The following CCSER1 variants were observed in gnomAD, a reference collection of about 807,000 sequenced individuals.
The protein encoded by CCSER1 is serine-rich coiled-coil domain-containing protein 1.
CCSER1 carries 41 observed loss-of-function variants against 82.0 expected under a neutral mutation model. The observed-to-expected ratio is 0.50, with a 90% CI of 0.39 to 0.65. The LOEUF is 0.65. CCSER1 is among the 30% of genes least tolerant of loss of function. The pLI is 0.00. For synonymous variants in CCSER1, 414 were observed against 383.9 expected (o/e 1.08, Z -0.92); for missense variants, 1,119 against 1,064.2 (o/e 1.05, Z -0.72).
chr4:90,974,816 T>C (rs910953285), intron 9 of CCSER1, among the ~76,000 whole-genome samples: 1 of 151,574 alleles, frequency 6.6e-6, no homozygotes, highest in South Asian at 2.1e-4. Context: ...GATGCTTTCT[T>C]AATCTATTAA....
At chr4:91,187,777 T>C (rs1034506181) in intron 10 of CCSER1, among the ~76,000 whole-genome samples, 6 of 152,066 alleles carry the variant, frequency 3.9e-5, no homozygotes, top group African/African-American at 1.4e-4. Flanking sequence ...GGTCTCAAAC[T>C]CCTGACCTCA....
Position 90,723,984 on chromosome 4 carries a change from CT to C in CCSER1, c.2006del (p.Phe669SerfsTer4). 1 of 1,559,600 alleles carries C rather than the reference CT, an allele frequency of 6.4e-7. No homozygotes were observed. The highest frequency in any genetic ancestry group is 2.3e-5 in the East Asian group (1 of 42,722). ...PVSPLTEEPV[P>X]FKDIMKDECS... ...AGTCCTCTTACTGAAGAGCCAGTGC[CT>C]TTCAAGGTAAAAAACAAACAAGAAA... On this transcript the variant is annotated frameshift_variant, in exon 7 of 11. Transcript: ENST00000509176. LOFTEE classifies it high-confidence loss of function.
chr4:90,467,513 A>G (rs181570052), intron 4 of CCSER1, among the ~76,000 whole-genome samples: 3 of 151,586 alleles, frequency 2.0e-5, no homozygotes, highest in Non-Finnish European at 4.4e-5. Flanking sequence ...GCAAAATCCC[A>G]TCTCTACTAA....
intron 5 of CCSER1, among the ~76,000 whole-genome samples, chr4:90,610,139 G>A (rs921968353): frequency 3.3e-5 from 5 of 151,922 alleles, no homozygotes; most frequent in African/African-American, 9.7e-5. Context: ...TGTAGTCCCA[G>A]CTACTCGGGA....
intron 4 of CCSER1, among the ~76,000 whole-genome samples, chr4:90,435,399 A>G (rs1182189602): frequency 6.6e-6 from 1 of 152,154 alleles, no homozygotes; most frequent in Non-Finnish European, 1.5e-5. Flanking sequence ...TTTCTCCTAG[A>G]GAGGGATCTC....
intron 10 of CCSER1, among the ~76,000 whole-genome samples, chr4:91,388,489 C>G (rs552037181): frequency 6.6e-6 from 1 of 152,128 alleles, no homozygotes; most frequent in South Asian, 2.1e-4. Context: ...AAAACTCTTC[C>G]AAAGTGGCTA....
At chr4:90,441,741 C>T (rs566338829) in intron 4 of CCSER1, among the ~76,000 whole-genome samples, 2 of 152,262 alleles carry the variant, frequency 1.3e-5, no homozygotes, top group South Asian at 4.1e-4. Flanking sequence ...TCCACAAGTA[C>T]CTCGTGTCTG....
chr4:90,703,323 C>T (rs1012423424), intron 6 of CCSER1, among the ~76,000 whole-genome samples: 2 of 152,176 alleles, frequency 1.3e-5, no homozygotes, highest in African/African-American at 4.8e-5. Context: ...TTTTATTGCA[C>T]TGTGTTCTGA....
At position 90,484,018 on chromosome 4, in the gene CCSER1, C is replaced by T. The variant is rs1310851941; in HGVS notation, c.1724+15664C>T. ...ATCACTTTCAGGTACACCAATTAGA[C>T]GTAGATTTGGTCTTTTCACATAGTC... On this transcript the variant is annotated intron_variant, in intron 5 of 10. Transcript: ENST00000509176. Among the ~76,000 whole-genome samples, 10 of 152,282 alleles carry T rather than the reference C, an allele frequency of 6.6e-5. No homozygotes were observed. The East Asian group carries it at 7.7e-4, about 12-fold the overall frequency.
At chr4:90,791,299 C>A (rs1167054167) in intron 7 of CCSER1, among the ~76,000 whole-genome samples, 1 of 152,134 alleles carries the variant, frequency 6.6e-6, no homozygotes, top group African/African-American at 2.4e-5. Context: ...ACAGCTAAAC[C>A]ACAGCAGTGG....
rs549805429 is a variant in CCSER1, at chr4:90,871,032, CT to C, written c.2095-52330del. On this transcript the variant is annotated intron_variant, in intron 8 of 10. Coordinates refer to ENST00000509176, the MANE Select transcript of CCSER1 (RefSeq NM_001145065.2). ...TCTCCACTATCTGTTGTAATGTCTC[CT>C]TTTTTTTGTCTTTTATTTCATTTAT... Among the ~76,000 whole-genome samples the C allele has an allele frequency of 9.6e-3, 1,431 of 149,554 alleles. 24 individuals carry two copies. The highest frequency in any genetic ancestry group is 0.033 in the African/African-American group (1,365 of 40,918).
intron 10 of CCSER1, among the ~76,000 whole-genome samples, chr4:91,439,241 G>A (rs1342171143): frequency 6.6e-6 from 1 of 152,130 alleles, no homozygotes; most frequent in Non-Finnish European, 1.5e-5. Flanking sequence ...GAAAGGTCGG[G>A]TTACCCCCAA....
chr4:91,029,340 G>T (rs1740772539), intron 9 of CCSER1, among the ~76,000 whole-genome samples: 1 of 151,622 alleles, frequency 6.6e-6, no homozygotes, highest in South Asian at 2.1e-4. Flanking sequence ...ATATACTCGA[G>T]GCAAAACTAT....
At chr4:90,983,923 T>G (rs774114789) in intron 9 of CCSER1, among the ~76,000 whole-genome samples, 4 of 151,806 alleles carry the variant, frequency 2.6e-5, no homozygotes, top group Non-Finnish European at 5.9e-5. Context: ...CTTGTCTCCT[T>G]GAGAGATTAC....
At position 90,519,012 on chromosome 4, in the gene CCSER1, C is replaced by T. The variant is rs537452300; in HGVS notation, c.1724+50658C>T. ...CATAGGATGATAAGTAGAATTATTA[C>T]ATGAAATATTTGCTTGGAGTATGGA... On this transcript the variant is annotated intron_variant, in intron 5 of 10. Transcript: ENST00000509176. 8.6e-5 allele frequency among the ~76,000 whole-genome samples: 13 copies of T among 151,898 alleles called. No individual in the cohort carries two copies. In the East Asian group the frequency reaches 1.7e-3, roughly 20 times the overall value.
chr4:90,768,664 G>A (rs1301558980), intron 7 of CCSER1, among the ~76,000 whole-genome samples: 5 of 152,106 alleles, frequency 3.3e-5, no homozygotes, highest in Admixed American at 1.3e-4. Flanking sequence ...TTAAATAAAT[G>A]GTATTGGAAA....
intron 10 of CCSER1, among the ~76,000 whole-genome samples, chr4:91,502,803 A>C (rs927428270): frequency 1.3e-5 from 2 of 152,236 alleles, no homozygotes; most frequent in African/African-American, 4.8e-5. Context: ...TGCTCCAAAC[A>C]GTGCCTGACT....
chr4:91,522,224 T>C (rs1191314271), intron 10 of CCSER1, among the ~76,000 whole-genome samples: 1 of 152,202 alleles, frequency 6.6e-6, no homozygotes, highest in African/African-American at 2.4e-5. Flanking sequence ...CTCTGTTCTG[T>C]TCCATTGGTC....
chr4:91,448,133 A>T (rs1229678430), intron 10 of CCSER1, among the ~76,000 whole-genome samples: 1 of 152,120 alleles, frequency 6.6e-6, no homozygotes. Flanking sequence ...GTCCAAATTA[A>T]TCGGTCTCAT....
Sources: gnomAD v4.1 joint callset for allele counts (sites outside exome capture counted in the v4.1 genomes callset) on GRCh38, gnomAD v4.1.1 for gene constraint, MANE v1.5 for transcripts, NCBI Gene and HGNC (gene_info 2026-07-23, HGNC 2026-07-21) for gene names.